Variants in SPAG16 observed in about 807,000 individuals in gnomAD.
SPAG16 encodes sperm-associated antigen 16 protein.
A neutral mutation model predicts 80.4 loss-of-function variants in SPAG16; 86 were observed. The observed-to-expected ratio is 1.07, with a 90% CI of 0.90 to 1.28. The LOEUF is 1.28. Ranked by LOEUF, SPAG16 falls within the 50% of genes most tolerant of loss-of-function variation. The probability of loss-of-function intolerance (pLI) is 0.00; values close to 1 mark genes in which losing one functional copy is unlikely to be tolerated. For missense variants in SPAG16, 870 were observed against 765.3 expected (o/e 1.14, Z -1.61); for synonymous variants, 294 against 265.9 (o/e 1.11, Z -1.03).
intron 14 of SPAG16, among the ~76,000 whole-genome samples, chr2:214,118,631 A>G (rs985184010): frequency 6.6e-6 from 1 of 152,132 alleles, no homozygotes; most frequent in Non-Finnish European, 1.5e-5. Flanking sequence ...GAGAACTCAC[A>G]CACTATCACA....
intron 15 of SPAG16, among the ~76,000 whole-genome samples, chr2:214,243,952 C>T (rs1689667799): frequency 6.6e-6 from 1 of 152,022 alleles, no homozygotes; most frequent in Non-Finnish European, 1.5e-5. Context: ...GACAGAAAGA[C>T]AGGAAAGTGT....
intron 15 of SPAG16, among the ~76,000 whole-genome samples, chr2:214,328,971 A>G (rs778520467): frequency 2.6e-5 from 4 of 152,202 alleles, no homozygotes; most frequent in African/African-American, 4.8e-5. Context: ...TTCATTATAT[A>G]CATAAGAAAA....
chr2:214,044,568 A>G (rs567068647), intron 13 of SPAG16, among the ~76,000 whole-genome samples: 2 of 152,222 alleles, frequency 1.3e-5, no homozygotes, highest in African/African-American at 2.4e-5. Flanking sequence ...CTTCATCAGA[A>G]CCAAAAATCA....
chr2:214,110,436 T>C (rs1282061901), intron 14 of SPAG16, among the ~76,000 whole-genome samples: 2 of 152,198 alleles, frequency 1.3e-5, no homozygotes, highest in Admixed American at 1.3e-4. Flanking sequence ...GGTTTCCAGC[T>C]TCACCCATGT....
At chr2:213,849,919 T>G (rs2074817334) in intron 10 of SPAG16, among the ~76,000 whole-genome samples, 1 of 152,218 alleles carries the variant, frequency 6.6e-6, no homozygotes, top group Admixed American at 6.5e-5. Context: ...CATAAATGTG[T>G]AATGTATCTT....
At chr2:213,998,022 GAAAAT>G (rs1055481553) in intron 12 of SPAG16, among the ~76,000 whole-genome samples, 1 of 152,134 alleles carries the variant, frequency 6.6e-6, no homozygotes, top group African/African-American at 2.4e-5. Context: ...TGTTAGATGA[GAAAAT>G]AAAAACTAAA....
At chr2:213,409,613 G>C (rs2068850261) in intron 9 of SPAG16, among the ~76,000 whole-genome samples, 1 of 152,040 alleles carries the variant, frequency 6.6e-6, no homozygotes, top group Non-Finnish European at 1.5e-5. Flanking sequence ...CTTAGGGCCA[G>C]ACATTAAAAA....
At position 213,480,759 on chromosome 2, in the gene SPAG16, A is replaced by G. The variant is rs561859483; in HGVS notation, c.943-9204A>G. On this transcript the variant is annotated intron_variant, in intron 9 of 15. Transcript: ENST00000331683. ...CCCTTTGAATATTTTTAGGTTTGCA[A>G]CACTTTTATGTGATTATCATAGTGT... Among the ~76,000 whole-genome samples, 4 of 152,266 alleles carry G rather than the reference A, an allele frequency of 2.6e-5. No homozygotes were observed. In the East Asian group the frequency reaches 7.7e-4, roughly 29 times the overall value.
chr2:213,887,610 T>C (rs2076611676), intron 11 of SPAG16, among the ~76,000 whole-genome samples: 1 of 151,778 alleles, frequency 6.6e-6, no homozygotes, highest in Non-Finnish European at 1.5e-5. Context: ...TTCTGCAGTT[T>C]AATTTACCTT....
At chr2:214,239,198 A>G (rs1358372478) in intron 15 of SPAG16, 1 of 151,504 alleles carries the variant, frequency 6.6e-6, no homozygotes, top group Admixed American at 6.6e-5. Flanking sequence ...GCCTGGCTAA[A>G]TTTTTTTTTG....
chr2:213,490,540 A>G (rs1183333398), intron 10 of SPAG16, among the ~76,000 whole-genome samples: 1 of 152,182 alleles, frequency 6.6e-6, no homozygotes, highest in African/African-American at 2.4e-5. Flanking sequence ...GTATTACTCA[A>G]CATTTATTGA....
At chr2:213,903,697 G>T (rs2077315887) in intron 11 of SPAG16, among the ~76,000 whole-genome samples, 1 of 152,156 alleles carries the variant, frequency 6.6e-6, no homozygotes, top group Non-Finnish European at 1.5e-5. Context: ...AATCTCTGCA[G>T]CTGGCTTGAC....
intron 10 of SPAG16, among the ~76,000 whole-genome samples, chr2:213,706,372 A>C (rs1244783950): frequency 2.0e-5 from 3 of 152,264 alleles, no homozygotes; most frequent in Non-Finnish European, 4.4e-5. Flanking sequence ...GTGAATATTG[A>C]ATTAAACGAG....
intron 15 of SPAG16, among the ~76,000 whole-genome samples, chr2:214,401,018 G>A (rs977923220): frequency 2.0e-5 from 3 of 151,938 alleles, no homozygotes; most frequent in Admixed American, 6.6e-5. Flanking sequence ...ATTGTTACTA[G>A]CACTTAGGTA....
At chr2:214,074,016 C>T (rs1170924989) in intron 13 of SPAG16, among the ~76,000 whole-genome samples, 1 of 152,124 alleles carries the variant, frequency 6.6e-6, no homozygotes, top group Non-Finnish European at 1.5e-5. Flanking sequence ...AGGAGTGAGG[C>T]TATTGGGAGG....
intron 13 of SPAG16, among the ~76,000 whole-genome samples, chr2:214,018,385 T>C (rs1286120084): frequency 1.3e-5 from 2 of 152,172 alleles, no homozygotes; most frequent in African/African-American, 2.4e-5. Flanking sequence ...TTGTTAGTTG[T>C]TTTTTATCCC....
chr2:213,585,161 C>T (rs1007510856), intron 10 of SPAG16, among the ~76,000 whole-genome samples: 8 of 150,170 alleles, frequency 5.3e-5, no homozygotes, highest in African/African-American at 2.0e-4. Flanking sequence ...TGTACTCCAG[C>T]CTGCACAATG....
intron 10 of SPAG16, among the ~76,000 whole-genome samples, chr2:213,653,992 C>T (rs908445022): frequency 6.6e-6 from 1 of 151,856 alleles, no homozygotes; most frequent in Non-Finnish European, 1.5e-5. Flanking sequence ...TAATTTGAAA[C>T]AAAATTTGAG....
chr2:213,461,795 A>G (rs2072379817), intron 9 of SPAG16, among the ~76,000 whole-genome samples: 1 of 152,196 alleles, frequency 6.6e-6, no homozygotes, highest in Admixed American at 6.5e-5. Flanking sequence ...AGCCCTAGGC[A>G]TGGACAAAAA....
Sources: gnomAD v4.1 joint callset for allele counts (sites outside exome capture counted in the v4.1 genomes callset) on GRCh38, gnomAD v4.1.1 for gene constraint, MANE v1.5 for transcripts, NCBI Gene and HGNC (gene_info 2026-07-23, HGNC 2026-07-21) for gene names.